SECISBP2L: variants seen among roughly 807,000 people sequenced by gnomAD.
SECISBP2L encodes the protein selenocysteine insertion sequence-binding protein 2-like.
A neutral mutation model predicts 114.7 loss-of-function variants in SECISBP2L; 43 were observed. That is an observed-to-expected ratio of 0.38 (90% CI 0.29 to 0.48). The LOEUF is 0.48. Among genes scored for constraint, SECISBP2L ranks in the 20% least tolerant of loss-of-function variants. SECISBP2L has a pLI of 0.98. For missense variants in SECISBP2L, 1,136 were observed against 1,301.1 expected, an observed-to-expected ratio of 0.87 and a Z score of 1.95; for synonymous variants, 451 against 439.7, an observed-to-expected ratio of 1.03 and a Z score of -0.32.
chr15:49,044,781 G>A (rs1333542260), intron 1 of SECISBP2L, among the ~76,000 whole-genome samples: 1 of 152,124 alleles, frequency 6.6e-6, no homozygotes, highest in Non-Finnish European at 1.5e-5. Context: ...ATCACAAACA[G>A]CTATGCTAAA....
chr15:49,016,204 T>A (rs146190985), intron 11 of SECISBP2L, among the ~76,000 whole-genome samples: 41 of 151,926 alleles, frequency 2.7e-4, no homozygotes, highest in Non-Finnish European at 5.2e-4. Flanking sequence ...AGACAAGGGG[T>A]TGTGGGGAGG....
intron 7 of SECISBP2L, among the ~76,000 whole-genome samples, chr15:49,025,719 CA>C (rs945980445): frequency 1.8e-4 from 27 of 149,218 alleles, no homozygotes; most frequent in African/African-American, 4.4e-4. Flanking sequence ...CTCAAAAAGA[CA>C]AAAAAAAATG....
In SECISBP2L at chr15:48,992,550, TTCC is replaced by T. The variant is rs754730165; in HGVS notation, c.2997_2999del (p.Glu1000del). ...CAGATATGGGTTCATGAGTATAATC[TTCC>T]TCCTCCTCCTCATCTTCATCTTCTT... On this transcript the variant is annotated inframe_deletion, in exon 18 of 18. Transcript: ENST00000559471. The T allele has an allele frequency of 2.0e-4, 322 of 1,614,120 alleles. No homozygotes were observed. The highest frequency in any genetic ancestry group is 2.4e-4 in the Non-Finnish European group (289 of 1,180,022).
chr15:48,997,521 T>G (rs1008688145), intron 16 of SECISBP2L, among the ~76,000 whole-genome samples: 1 of 152,172 alleles, frequency 6.6e-6, no homozygotes, highest in Non-Finnish European at 1.5e-5. Flanking sequence ...GAAACAAACA[T>G]AGGAACAAAA....
intron 9 of SECISBP2L, among the ~76,000 whole-genome samples, chr15:49,017,307 T>C (rs1245290081): frequency 6.6e-6 from 1 of 152,168 alleles, no homozygotes; most frequent in African/African-American, 2.4e-5. Context: ...GTACAGACTG[T>C]ATGTTGTATG....
rs146910892 is a variant in SECISBP2L at position 49,019,399 on chromosome 15, T to C, written c.1170+19A>G. 4.1e-5 allele frequency: 58 copies of C among 1,411,318 alleles called. No homozygotes were observed. The East Asian group carries it at 5.7e-4, about 14-fold the overall frequency. 87.4% of individuals were successfully genotyped at this position (1,411,318 alleles called of 1,614,324 possible). ...AACATTTCCTATAACAGCTTACAAA[T>C]AGAGTTTGAAAAAAATACCTCAAAA... On this transcript the variant is annotated intron_variant, in intron 8 of 17. Coordinates refer to ENST00000559471, the MANE Select transcript of SECISBP2L (RefSeq NM_001193489.2).
Position 48,988,776 on chromosome 15 carries a change from A to G in SECISBP2L, c.*3468T>C, listed in dbSNP as rs1901910694. On this transcript the variant is annotated 3_prime_UTR_variant, in exon 18 of 18. Transcript: ENST00000559471. The stretch of plus-strand genomic sequence containing the variant: ...CAAAAGATGAAAATCCCTTCATGTT[A>G]TAACTCACACTAATTTTGCTAGTTT... The G allele has an allele frequency of 7.8e-6, 2 of 256,940 alleles. No individual in the cohort carries two copies. The highest frequency in any genetic ancestry group is 9.2e-5 in the Admixed American group (2 of 21,736). The allele number at this position is 256,940 out of a possible 1,614,324, so 15.9% of individuals were successfully genotyped here. A position where few individuals can be genotyped will look rare whatever the true frequency, so the allele number is the denominator to read the frequency against.
At chr15:49,038,240 G>GA (rs1338124772) in intron 1 of SECISBP2L, among the ~76,000 whole-genome samples, 5 of 151,826 alleles carry the variant, frequency 3.3e-5, no homozygotes, top group Admixed American at 2.6e-4. Flanking sequence ...ATCATTAAAA[G>GA]AAAAAATGTC....
chr15:49,036,898 T>C (rs1335156289), intron 2 of SECISBP2L, among the ~76,000 whole-genome samples: 1 of 152,178 alleles, frequency 6.6e-6, no homozygotes, highest in African/African-American at 2.4e-5. Flanking sequence ...AGCTGCCTCA[T>C]CCATTTACAG....
chr15:49,035,226 T>C, intron 3 of SECISBP2L, 108 bp downstream of exon 3: 2 of 899,770 alleles, frequency 2.2e-6, no homozygotes, highest in Non-Finnish European at 3.3e-6. Context: ...GTGAACAATA[T>C]GTTTTATAGT....
chr15:49,036,712 C>T (rs909419309), intron 2 of SECISBP2L, among the ~76,000 whole-genome samples: 6 of 152,186 alleles, frequency 3.9e-5, no homozygotes, highest in African/African-American at 1.4e-4. Context: ...TTAACAGCCT[C>T]AGAATATTAA....
intron 14 of SECISBP2L, among the ~76,000 whole-genome samples, chr15:49,005,686 T>C (rs976268849): frequency 4.1e-5 from 6 of 147,568 alleles, no homozygotes; most frequent in African/African-American, 1.5e-4. Context: ...AGGACACCAA[T>C]GGGTCTTGAC....
At position 49,046,403 on chromosome 15, in the gene SECISBP2L, C is replaced by T. The variant is rs1300184129; in HGVS notation, c.-104G>A. ...GGGTCCAGACTGGGTTCCGGACCTC[C>T]GCCCCTATCTGGCTGGCCGCGACAC... is the stretch of plus-strand genomic sequence containing the variant. On this transcript the variant is annotated 5_prime_UTR_variant, in exon 1 of 18. Transcript: ENST00000559471. 1.6e-6 allele frequency: 2 copies of T among 1,251,276 alleles called. No homozygotes were observed. The highest frequency in any genetic ancestry group is 2.1e-6 in the Non-Finnish European group (2 of 951,234). 77.5% of individuals were successfully genotyped at this position (1,251,276 alleles called of 1,614,324 possible). A position where few individuals can be genotyped will look rare whatever the true frequency, so the allele number is the denominator to read the frequency against.
intron 9 of SECISBP2L, 100 bp from the exon 10 acceptor site, chr15:49,017,115 C>G: frequency 8.9e-7 from 1 of 1,127,922 alleles, no homozygotes. Context: ...TACAACCGGA[C>G]TAGACTCTTC....
intron 16 of SECISBP2L, 91 bp downstream of exon 16, chr15:48,999,742 C>T: frequency 1.4e-6 from 2 of 1,403,582 alleles, no homozygotes; most frequent in South Asian, 3.1e-5. Flanking sequence ...CCTTCAAATG[C>T]TTAAACATAA....
chr15:49,032,876 T>C, intron 4 of SECISBP2L, 89 bp downstream of exon 4: 1 of 1,488,672 alleles, frequency 6.7e-7, no homozygotes, highest in South Asian at 1.3e-5. Flanking sequence ...AGTCTACAAT[T>C]CTGACAAGTG....
rs763886585 is a variant in SECISBP2L, at chr15:49,037,778, A to G, written c.25-9T>C. ...GCTGACAGCTTGACATTCTTCAAAG[A>G]GAAAGTAGAATACATTAATAACAAA... On this transcript the variant is annotated splice_polypyrimidine_tract_variant and intron_variant, in intron 1 of 17. Transcript: ENST00000559471. The G allele has an allele frequency of 1.3e-6, 2 of 1,591,190 alleles. No individual in the cohort carries two copies. The highest frequency in any genetic ancestry group is 3.5e-5 in the Admixed American group (2 of 57,612).
At chr15:49,016,191 C>G (rs141833239) in intron 11 of SECISBP2L, among the ~76,000 whole-genome samples, 1 of 152,090 alleles carries the variant, frequency 6.6e-6, no homozygotes. Context: ...CTCCTTTTAA[C>G]GCAGACAAGG....
intron 1 of SECISBP2L, among the ~76,000 whole-genome samples, chr15:49,040,781 G>A (rs563695212): frequency 5.3e-5 from 8 of 150,898 alleles, no homozygotes; most frequent in Admixed American, 2.0e-4. Context: ...CTCGTGATCC[G>A]CCCGCCTCGG....
Sources: gnomAD v4.1 joint callset for allele counts (sites outside exome capture counted in the v4.1 genomes callset) on GRCh38, gnomAD v4.1.1 for gene constraint, MANE v1.5 for transcripts, NCBI Gene and HGNC (gene_info 2026-07-23, HGNC 2026-07-21) for gene names.